The following KCND2 variants were observed in gnomAD, a reference collection of about 807,000 sequenced individuals.
KCND2 encodes potassium voltage-gated channel subfamily D member 2, also known as A-type voltage-gated potassium channel KCND2.
KCND2 carries 16 observed loss-of-function variants against 54.4 expected under a neutral mutation model. The ratio of observed to expected loss-of-function variants is 0.29; its 90% CI spans 0.20 to 0.45. The LOEUF is 0.45. Among genes scored for constraint, KCND2 ranks in the 20% least tolerant of loss-of-function variants. The probability of loss-of-function intolerance (pLI) is 1.00; values close to 1 mark genes in which losing one functional copy is unlikely to be tolerated. For synonymous variants in KCND2, 317 were observed against 310.7 expected (o/e 1.02, Z -0.21); for missense variants, 486 against 824.2 (o/e 0.59, Z 5.02).
chr7:120,327,767 G>A (rs1799999662), intron 1 of KCND2, among the ~76,000 whole-genome samples: 1 of 150,678 alleles, frequency 6.6e-6, no homozygotes, highest in Non-Finnish European at 1.5e-5. Flanking sequence ...TTTTTTTTTA[G>A]AAAGTTTTAA....
At chr7:120,679,188 CTAAT>C (rs1792109464) in intron 1 of KCND2, among the ~76,000 whole-genome samples, 1 of 151,762 alleles carries the variant, frequency 6.6e-6, no homozygotes, top group Non-Finnish European at 1.5e-5. Context: ...AATGAAAATG[CTAAT>C]TAGTTATATT....
At chr7:120,455,123 G>A (rs970613222) in intron 1 of KCND2, among the ~76,000 whole-genome samples, 5 of 151,886 alleles carry the variant, frequency 3.3e-5, no homozygotes, top group African/African-American at 1.2e-4. Context: ...AAAATTTATA[G>A]ATTCAATACT....
chr7:120,635,566 T>A (rs1793294590), intron 1 of KCND2, among the ~76,000 whole-genome samples: 1 of 152,226 alleles, frequency 6.6e-6, no homozygotes, highest in African/African-American at 2.4e-5. Context: ...CAGGTGAGTG[T>A]TTATTACTTC....
rs148890952 is a variant in KCND2 at position 120,388,396 on chromosome 7, G to C, written c.1115+112649G>C. Among the ~76,000 whole-genome samples the C allele has an allele frequency of 1.4e-3, 218 of 152,096 alleles. 1 individual carries two copies. Among genetic ancestry groups the C allele is most frequent in the African/African-American group, 5.2e-3 (215 of 41,518 alleles). On this transcript the variant is annotated intron_variant, in intron 1 of 5. Coordinates refer to ENST00000331113, the MANE Select transcript of KCND2 (RefSeq NM_012281.3). ...GCTCTCTATTCAGCAACAGCATGGGGTATTGTACAAAGTAGATGCCAACAA... is the reference window on the plus strand; with the variant it reads ...GCTCTCTATTCAGCAACAGCATGGGCTATTGTACAAAGTAGATGCCAACAA...
intron 1 of KCND2, among the ~76,000 whole-genome samples, chr7:120,367,044 G>A (rs1800695325): frequency 6.6e-6 from 1 of 152,086 alleles, no homozygotes; most frequent in Non-Finnish European, 1.5e-5. Context: ...ATCTAAGGGG[G>A]TGTAGGTTTG....
intron 1 of KCND2, among the ~76,000 whole-genome samples, chr7:120,451,951 TTAGA>T (rs1329763994): frequency 6.6e-6 from 1 of 152,244 alleles, no homozygotes; most frequent in African/African-American, 2.4e-5. Context: ...TGTGAACTGT[TTAGA>T]TAGTCTATAA....
chr7:120,580,102 T>C (rs900028857), intron 1 of KCND2, among the ~76,000 whole-genome samples: 2 of 152,242 alleles, frequency 1.3e-5, no homozygotes, highest in East Asian at 3.8e-4. Flanking sequence ...TCACAGATAT[T>C]AATCAGTTGT....
chr7:120,326,222 T>A (rs752878782), intron 1 of KCND2, among the ~76,000 whole-genome samples: 18 of 152,112 alleles, frequency 1.2e-4, no homozygotes, highest in Non-Finnish European at 1.8e-4. Flanking sequence ...TGTTGCCTAC[T>A]CTTCCTTTGG....
chr7:120,662,499 A>G (rs754410246), intron 1 of KCND2, among the ~76,000 whole-genome samples: 4 of 152,204 alleles, frequency 2.6e-5, no homozygotes, highest in Non-Finnish European at 4.4e-5. Context: ...ATTCTACACA[A>G]TGGATCTCTC....
At chr7:120,410,204 A>T (rs1269237650) in intron 1 of KCND2, among the ~76,000 whole-genome samples, 1 of 151,958 alleles carries the variant, frequency 6.6e-6, no homozygotes, top group Non-Finnish European at 1.5e-5. Context: ...CCAAATGTAT[A>T]TTGGTCAATT....
chr7:120,561,080 T>C (rs983932306), intron 1 of KCND2, among the ~76,000 whole-genome samples: 1 of 152,216 alleles, frequency 6.6e-6, no homozygotes, highest in African/African-American at 2.4e-5. Flanking sequence ...TTTGAAACAG[T>C]TACCTCAAGA....
intron 1 of KCND2, among the ~76,000 whole-genome samples, chr7:120,646,456 A>T (rs747957384): frequency 3.9e-4 from 59 of 152,276 alleles, no homozygotes; most frequent in Non-Finnish European, 1.9e-4. Flanking sequence ...TTAAAATTAG[A>T]TATTTGTCTT....
At chr7:120,514,879 C>G (rs908767235) in intron 1 of KCND2, among the ~76,000 whole-genome samples, 3 of 152,012 alleles carry the variant, frequency 2.0e-5, no homozygotes, top group African/African-American at 7.2e-5. Flanking sequence ...CAGACCTGTC[C>G]TGGTCTGTGG....
At chr7:120,369,132 AT>A (rs919895752) in intron 1 of KCND2, among the ~76,000 whole-genome samples, 253 of 148,200 alleles carry the variant, frequency 1.7e-3, no homozygotes, top group East Asian at 6.3e-3. Context: ...GTGGGTTGAG[AT>A]TTTTTTTTTT....
intron 1 of KCND2, among the ~76,000 whole-genome samples, chr7:120,402,296 A>T (rs147908986): frequency 6.7e-6 from 1 of 150,068 alleles, no homozygotes; most frequent in East Asian, 2.5e-4. Flanking sequence ...TCCCATGTGC[A>T]TCCCTTCCCC....
Position 120,430,454 on chromosome 7 carries a change from A to G in KCND2, c.1115+154707A>G, listed in dbSNP as rs181259360. ...GCCAACATGGTGAAACCCCATCTCT[A>G]CTAAAAATACAAAAATTACCTGGTA... On this transcript the variant is annotated intron_variant, in intron 1 of 5. Transcript: ENST00000331113. Among the ~76,000 whole-genome samples the G allele has an allele frequency of 1.3e-3, 205 of 152,210 alleles. 1 individual carries two copies. The highest frequency in any genetic ancestry group is 4.8e-3 in the African/African-American group (201 of 41,538).
At chr7:120,458,193 C>T (rs1156568101) in intron 1 of KCND2, among the ~76,000 whole-genome samples, 1 of 152,134 alleles carries the variant, frequency 6.6e-6, no homozygotes, top group Non-Finnish European at 1.5e-5. Context: ...GTGTATCTAC[C>T]TCAGGAGACA....
intron 1 of KCND2, among the ~76,000 whole-genome samples, chr7:120,461,544 AT>A: frequency 6.6e-6 from 1 of 151,880 alleles, no homozygotes; most frequent in African/African-American, 2.4e-5. Context: ...CATTCATGTT[AT>A]TTTTTTCACC....
chr7:120,689,442 A>G (rs1207368900), intron 1 of KCND2, among the ~76,000 whole-genome samples: 1 of 152,208 alleles, frequency 6.6e-6, no homozygotes, highest in East Asian at 1.9e-4. Flanking sequence ...ATCTGATTTC[A>G]TAGATTGCTT....
Sources: gnomAD v4.1 joint callset for allele counts (sites outside exome capture counted in the v4.1 genomes callset) on GRCh38, gnomAD v4.1.1 for gene constraint, MANE v1.5 for transcripts, NCBI Gene and HGNC (gene_info 2026-07-23, HGNC 2026-07-21) for gene names.